Variants in PDE1A observed in about 807,000 individuals in gnomAD.
PDE1A encodes the protein dual specificity calcium/calmodulin-dependent 3',5'-cyclic nucleotide phosphodiesterase 1A.
Under a neutral mutation model 61.7 loss-of-function variants are expected in PDE1A, and 35 were observed. The observed-to-expected ratio is 0.57, with a 90% confidence interval of 0.43 to 0.75. PDE1A has a LOEUF of 0.75. Among genes scored for constraint, PDE1A ranks in the 30% least tolerant of loss-of-function variants. The pLI, the probability that PDE1A is intolerant of heterozygous loss-of-function variation, is 0.00. For missense variants in PDE1A, 597 were observed against 630.6 expected, an observed-to-expected ratio of 0.95 and a Z score of 0.57; for synonymous variants, 232 against 213.2, an observed-to-expected ratio of 1.09 and a Z score of -0.77.
At chr2:182,449,339 AAAG>A (rs1685357329) in intron 2 of PDE1A, among the ~76,000 whole-genome samples, 4 of 151,912 alleles carry the variant, frequency 2.6e-5, no homozygotes, top group Admixed American at 2.6e-4. Context: ...AAGAGAAAGG[AAAG>A]AAGGAAGGAA....
At chr2:182,353,543 C>G (rs1574430369) in intron 1 of PDE1A, among the ~76,000 whole-genome samples, 1 of 152,084 alleles carries the variant, frequency 6.6e-6, no homozygotes, top group East Asian at 1.9e-4. Flanking sequence ...TTCATAAGTT[C>G]CCTTCTAATT....
In PDE1A at chr2:182,322,807, T is replaced by C. The variant is rs570785587; in HGVS notation, c.54-58393A>G. ...ACAGATAGGTGAAACTATATTCTTT[T>C]TATTTTAGAAAATAAATGATAAAGT... On this transcript the variant is annotated intron_variant, in intron 1 of 13. Coordinates refer to ENST00000351439, the Ensembl canonical transcript of PDE1A. 2.7e-4 allele frequency among the ~76,000 whole-genome samples: 41 copies of C among 152,330 alleles called. 1 individual carries two copies. The highest frequency in any genetic ancestry group is 9.1e-4 in the African/African-American group (38 of 41,582).
At chr2:182,261,178 C>G (rs1392689713) in intron 2 of PDE1A, among the ~76,000 whole-genome samples, 1 of 152,094 alleles carries the variant, frequency 6.6e-6, no homozygotes, top group African/African-American at 2.4e-5. Context: ...AAAAACCATT[C>G]TGTTTTATAG....
chr2:182,469,774 C>G (rs1294720486), intron 2 of PDE1A, among the ~76,000 whole-genome samples: 2 of 151,816 alleles, frequency 1.3e-5, no homozygotes, highest in Non-Finnish European at 2.9e-5. Context: ...TTCACTTGAA[C>G]ATTTAGAGGC....
the PDE1A span, among the ~76,000 whole-genome samples, chr2:182,606,943 G>A: frequency 2.0e-5 from 3 of 152,220 alleles, no homozygotes; most frequent in Admixed American, 6.5e-5. Context: ...AGTATTGCCA[G>A]AGAAGAAGGT....
At chr2:182,679,481 G>A in the PDE1A span, among the ~76,000 whole-genome samples, 3 of 151,114 alleles carry the variant, frequency 2.0e-5, no homozygotes, top group East Asian at 1.9e-4. Context: ...GATTACAGGC[G>A]TGAGCCACCG....
the PDE1A span, among the ~76,000 whole-genome samples, chr2:182,633,630 G>A: frequency 4.6e-5 from 7 of 152,256 alleles, no homozygotes; most frequent in East Asian, 7.7e-4. Context: ...GACCCACGGC[G>A]TTCTCATTTT....
intron 2 of PDE1A, among the ~76,000 whole-genome samples, chr2:182,462,164 G>A (rs1686335500): frequency 6.6e-6 from 1 of 152,042 alleles, no homozygotes; most frequent in Admixed American, 6.6e-5. Context: ...GTGGGGTGGG[G>A]GGAGCGGGGA....
chr2:182,177,557 G>A (rs1322365075), intron 13 of PDE1A, among the ~76,000 whole-genome samples: 1 of 152,088 alleles, frequency 6.6e-6, no homozygotes, highest in African/African-American at 2.4e-5. Context: ...GGTTGTCAAA[G>A]ATCAGATGGT....
chr2:182,466,522 C>A (rs1686680111), intron 2 of PDE1A, among the ~76,000 whole-genome samples: 1 of 151,866 alleles, frequency 6.6e-6, no homozygotes, highest in Non-Finnish European at 1.5e-5. Flanking sequence ...TAACATAAGT[C>A]CACGAAGTAT....
the PDE1A span, among the ~76,000 whole-genome samples, chr2:182,708,087 A>G: frequency 1.3e-5 from 2 of 152,198 alleles, no homozygotes. Context: ...TGATCATTAC[A>G]TATTATATAT....
chr2:182,234,416 A>C lies in PDE1A; in HGVS notation c.417+16T>G. On this transcript the variant is annotated intron_variant, in intron 4 of 13. Transcript: ENST00000351439. ...AAATGACCATTTTATACACGAAAATAATGAAATTATGTCACCTTTAATGTT... is the reference window on the plus strand; with the variant it reads ...AAATGACCATTTTATACACGAAAATCATGAAATTATGTCACCTTTAATGTT... The C allele has an allele frequency of 6.4e-7, 1 of 1,565,938 alleles. No homozygotes were observed. The highest frequency in any genetic ancestry group is 8.7e-7 in the Non-Finnish European group (1 of 1,144,946).
chr2:182,187,123 ATTG>A (rs2125402071), intron 11 of PDE1A, among the ~76,000 whole-genome samples: 1 of 152,320 alleles, frequency 6.6e-6, no homozygotes, highest in East Asian at 1.9e-4. Context: ...AATATTTCAA[ATTG>A]TTGTTTATTA....
the PDE1A span, among the ~76,000 whole-genome samples, chr2:182,623,173 G>A: frequency 6.6e-6 from 1 of 152,130 alleles, no homozygotes; most frequent in Admixed American, 6.6e-5. Context: ...ATATGAATAG[G>A]TAGGCATATG....
intron 3 of PDE1A, among the ~76,000 whole-genome samples, chr2:182,235,673 T>C (rs1220328329): frequency 3.3e-5 from 5 of 152,184 alleles, no homozygotes; most frequent in Admixed American, 3.3e-4. Context: ...ATTAATCATG[T>C]CCCTTAATTT....
the PDE1A span, among the ~76,000 whole-genome samples, chr2:182,561,035 T>G: frequency 2.0e-5 from 3 of 146,912 alleles, no homozygotes; most frequent in African/African-American, 2.5e-5. Context: ...TAGTTTCTTT[T>G]GCTGTGCAGA....
chr2:182,658,058 AAAAAAAAAAAAAAAC>A, the PDE1A span, among the ~76,000 whole-genome samples: 2 of 108,516 alleles, frequency 1.8e-5, no homozygotes, highest in African/African-American at 6.5e-5. Context: ...AAAAAAAAAA[AAAAAAAAAAAAAAAC>A]AAAAAAACTT....
chr2:182,553,817 G>A, the PDE1A span, among the ~76,000 whole-genome samples: 2 of 152,214 alleles, frequency 1.3e-5, no homozygotes, highest in Non-Finnish European at 2.9e-5. Flanking sequence ...CAGAAGTGCA[G>A]AGCAATCTGC....
chr2:182,379,365 T>C (rs1700595359), intron 1 of PDE1A, among the ~76,000 whole-genome samples: 2 of 152,264 alleles, frequency 1.3e-5, no homozygotes, highest in African/African-American at 4.8e-5. Flanking sequence ...TCAGTTTCTT[T>C]CAAATGAAAC....
Sources: allele counts gnomAD v4.1 joint callset (sites outside exome capture counted in the v4.1 genomes callset), GRCh38; gene constraint gnomAD v4.1.1; transcripts MANE v1.5; gene names NCBI Gene and HGNC (gene_info 2026-07-23, HGNC 2026-07-21).